ROBO1: variants seen among roughly 807,000 people sequenced by gnomAD.
The protein encoded by ROBO1 is roundabout guidance receptor 1, also known as roundabout homolog 1.
In ROBO1, 149 loss-of-function variants were observed where a neutral mutation model predicts 195.9. That is an observed-to-expected ratio of 0.76 (90% CI 0.67 to 0.87). The LOEUF (loss-of-function observed/expected upper bound fraction) is 0.87. ROBO1 is among the 40% of genes least tolerant of loss of function. The pLI is 0.00. For missense variants in ROBO1, 1,933 were observed against 2,068.3 expected, an observed-to-expected ratio of 0.93 and a Z score of 1.27; for synonymous variants, 816 against 733.2, an observed-to-expected ratio of 1.11 and a Z score of -1.82.
chr3:79,396,683 C>T (rs2037168214), intron 2 of ROBO1, among the ~76,000 whole-genome samples: 1 of 151,910 alleles, frequency 6.6e-6, no homozygotes, highest in Non-Finnish European at 1.5e-5. Context: ...TATTTTAGAT[C>T]CATTGTAAAT....
chr3:79,572,357 A>G (rs998286318), intron 2 of ROBO1, among the ~76,000 whole-genome samples: 1 of 152,106 alleles, frequency 6.6e-6, no homozygotes. Flanking sequence ...TCTGATGCAC[A>G]TAGTTATAAA....
At chr3:79,569,481 C>G (rs1943200850) in intron 2 of ROBO1, among the ~76,000 whole-genome samples, 1 of 152,138 alleles carries the variant, frequency 6.6e-6, no homozygotes, top group East Asian at 1.9e-4. Context: ...ATTTTTAAGT[C>G]ATTTGAATAT....
chr3:79,674,235 G>A (rs1266750659), intron 1 of ROBO1, among the ~76,000 whole-genome samples: 1 of 151,974 alleles, frequency 6.6e-6, no homozygotes, highest in Non-Finnish European at 1.5e-5. Context: ...CTATTTTTAA[G>A]CTAGATTTCT....
intron 8 of ROBO1, 117 bp from the exon 9 acceptor site, chr3:78,688,889 A>T: frequency 1.0e-6 from 1 of 975,864 alleles, no homozygotes; most frequent in African/African-American, 1.7e-5. Context: ...TATGTAAAAC[A>T]GTCATGATAT....
chr3:79,180,102 T>C (rs558907226), intron 2 of ROBO1, among the ~76,000 whole-genome samples: 5 of 152,312 alleles, frequency 3.3e-5, no homozygotes, highest in African/African-American at 1.2e-4. Flanking sequence ...TTCAGAGTTA[T>C]TTAAGATACA....
chr3:78,717,686 C>A, intron 6 of ROBO1, 77 bp downstream of exon 6: 1 of 1,483,220 alleles, frequency 6.7e-7, no homozygotes, highest in Non-Finnish European at 9.1e-7. Flanking sequence ...AACAATTTTT[C>A]TTTCCCCCTT....
chr3:79,490,018 C>T (rs1417430192), intron 2 of ROBO1, among the ~76,000 whole-genome samples: 11 of 152,138 alleles, frequency 7.2e-5, no homozygotes, highest in African/African-American at 2.7e-4. Context: ...ATCCAAATAA[C>T]CATTTTTGCC....
intron 2 of ROBO1, among the ~76,000 whole-genome samples, chr3:79,250,653 G>A (rs987481590): frequency 6.6e-6 from 1 of 151,880 alleles, no homozygotes; most frequent in African/African-American, 2.4e-5. Context: ...ATTGGCAAAA[G>A]AATATAAAAA....
intron 1 of ROBO1, among the ~76,000 whole-genome samples, chr3:79,620,302 G>T (rs758952542): frequency 1.3e-5 from 2 of 152,088 alleles, no homozygotes; most frequent in Non-Finnish European, 2.9e-5. Flanking sequence ...GATGCTGCCC[G>T]ATCGCCTCGG....
intron 2 of ROBO1, among the ~76,000 whole-genome samples, chr3:79,565,812 C>T (rs1362083213): frequency 1.3e-5 from 2 of 152,008 alleles, no homozygotes; most frequent in Non-Finnish European, 2.9e-5. Context: ...AAATGTGGTG[C>T]TTTTAGTACT....
At chr3:78,752,467 T>C (rs1198033441) in intron 4 of ROBO1, among the ~76,000 whole-genome samples, 1 of 152,134 alleles carries the variant, frequency 6.6e-6, no homozygotes, top group Non-Finnish European at 1.5e-5. Context: ...AATTAAGAGA[T>C]AAATTTTGAA....
chr3:79,453,153 A>G (rs1463759396), intron 2 of ROBO1, among the ~76,000 whole-genome samples: 1 of 151,954 alleles, frequency 6.6e-6, no homozygotes, highest in Non-Finnish European at 1.5e-5. Flanking sequence ...CAAGCAGTAC[A>G]AGGAAAGAAG....
chr3:79,180,148 G>A (rs775962455), intron 2 of ROBO1, among the ~76,000 whole-genome samples: 4 of 152,104 alleles, frequency 2.6e-5, no homozygotes, highest in Non-Finnish European at 5.9e-5. Context: ...CTTCCTCAAT[G>A]ATCAGTCTTT....
chr3:79,136,135 T>C (rs930423515), intron 2 of ROBO1, among the ~76,000 whole-genome samples: 1 of 152,216 alleles, frequency 6.6e-6, no homozygotes, highest in Non-Finnish European at 1.5e-5. Context: ...CAATCCATAG[T>C]AATTTAAATT....
intron 2 of ROBO1, among the ~76,000 whole-genome samples, chr3:79,213,807 C>A (rs1489251650): frequency 3.5e-5 from 5 of 143,176 alleles, no homozygotes; most frequent in Non-Finnish European, 7.5e-5. Flanking sequence ...AGAAATAACT[C>A]TCCCCTTTCT....
At chr3:78,918,001 G>A (rs2038720984) in intron 4 of ROBO1, among the ~76,000 whole-genome samples, 1 of 152,160 alleles carries the variant, frequency 6.6e-6, no homozygotes, top group African/African-American at 2.4e-5. Context: ...ATTTCTTTAA[G>A]TATGTAGCCC....
At chr3:78,971,139 C>T (rs1056601039) in intron 3 of ROBO1, among the ~76,000 whole-genome samples, 2 of 152,080 alleles carry the variant, frequency 1.3e-5, no homozygotes, top group African/African-American at 2.4e-5. Context: ...TGCCCATAAT[C>T]CCAGCACTTT....
intron 2 of ROBO1, among the ~76,000 whole-genome samples, chr3:79,453,065 G>A (rs189372826): frequency 6.6e-6 from 1 of 152,136 alleles, no homozygotes; most frequent in East Asian, 1.9e-4. Flanking sequence ...TCCAAAGAAT[G>A]GGAGGAAGAG....
chr3:79,720,028 C>G (rs1463562379), intron 1 of ROBO1, among the ~76,000 whole-genome samples: 1 of 152,126 alleles, frequency 6.6e-6, no homozygotes, highest in Non-Finnish European at 1.5e-5. Context: ...AAAACTGTAT[C>G]ACATCATCAC....
Sources: allele counts gnomAD v4.1 joint callset (sites outside exome capture counted in the v4.1 genomes callset), GRCh38; gene constraint gnomAD v4.1.1; transcripts MANE v1.5; gene names NCBI Gene and HGNC (gene_info 2026-07-23, HGNC 2026-07-21).